The following SLC4A10 variants were observed in gnomAD, a reference collection of about 807,000 sequenced individuals.
The protein encoded by SLC4A10 is sodium-driven chloride bicarbonate exchanger.
A neutral mutation model predicts 137.7 loss-of-function variants in SLC4A10; 42 were observed. That is an observed-to-expected ratio of 0.30 (90% CI 0.24 to 0.39). SLC4A10 has a LOEUF of 0.39. Ranked by LOEUF, SLC4A10 falls within the 10% of genes least tolerant of loss-of-function variation. SLC4A10 has a pLI of 1.00. For synonymous variants in SLC4A10, 474 were observed against 464.1 expected (o/e 1.02, Z -0.27); for missense variants, 925 against 1,355.0 (o/e 0.68, Z 4.98).
At chr2:161,647,295 C>T (rs2036191595) in intron 1 of SLC4A10, among the ~76,000 whole-genome samples, 1 of 151,970 alleles carries the variant, frequency 6.6e-6, no homozygotes, top group South Asian at 2.1e-4. Flanking sequence ...TTCAGCCTGT[C>T]AGGGTGATTG....
chr2:161,710,673 T>C (rs547974783), intron 1 of SLC4A10: 8 of 455,052 alleles, frequency 1.8e-5, no homozygotes, highest in South Asian at 1.2e-4. Flanking sequence ...CAGTAATGAT[T>C]GGTCATCTTC....
At chr2:161,702,406 T>C (rs2043218516) in intron 1 of SLC4A10, among the ~76,000 whole-genome samples, 1 of 151,898 alleles carries the variant, frequency 6.6e-6, no homozygotes, top group African/African-American at 2.4e-5. Flanking sequence ...ACATTGCAAA[T>C]GTTTGTTTAT....
chr2:161,829,596 A>G (rs1384909368), intron 3 of SLC4A10, among the ~76,000 whole-genome samples: 1 of 152,156 alleles, frequency 6.6e-6, no homozygotes, highest in African/African-American at 2.4e-5. Flanking sequence ...TTTGTTTTTT[A>G]TACTATTTGC....
At chr2:161,978,394 A>AAAC (rs1553652446) in intron 26 of SLC4A10, among the ~76,000 whole-genome samples, 1 of 150,726 alleles carries the variant, frequency 6.6e-6, no homozygotes, top group Admixed American at 6.6e-5. Context: ...CAAAAAAAAA[A>AAAC]AAAAAAAGAA....
chr2:161,952,834 T>A (rs1695036896), intron 19 of SLC4A10, among the ~76,000 whole-genome samples: 1 of 152,208 alleles, frequency 6.6e-6, no homozygotes, highest in South Asian at 2.1e-4. Context: ...GGTTTTCCCG[T>A]TAACAACAAC....
chr2:161,650,825 G>T (rs978485143), intron 1 of SLC4A10, among the ~76,000 whole-genome samples: 2 of 152,196 alleles, frequency 1.3e-5, no homozygotes, highest in African/African-American at 4.8e-5. Context: ...GCTGGGAGCA[G>T]CTAGGCATGG....
intron 1 of SLC4A10, among the ~76,000 whole-genome samples, chr2:161,739,367 C>G (rs1296950921): frequency 6.6e-6 from 1 of 152,076 alleles, no homozygotes; most frequent in Non-Finnish European, 1.5e-5. Flanking sequence ...TTTGGCCAAC[C>G]AATGTTTTAA....
chr2:161,781,972 C>T (rs1253608756), intron 2 of SLC4A10, among the ~76,000 whole-genome samples: 1 of 152,054 alleles, frequency 6.6e-6, no homozygotes, highest in Non-Finnish European at 1.5e-5. Context: ...ACCCCAACTT[C>T]GATGGGGGCT....
intron 15 of SLC4A10, among the ~76,000 whole-genome samples, chr2:161,935,899 T>A (rs934698129): frequency 2.0e-5 from 3 of 152,158 alleles, no homozygotes; most frequent in Admixed American, 6.6e-5. Flanking sequence ...TTTTCACCAT[T>A]GAATAAGATA....
At chr2:161,811,898 T>C (rs1220118884) in intron 3 of SLC4A10, among the ~76,000 whole-genome samples, 2 of 152,036 alleles carry the variant, frequency 1.3e-5, no homozygotes, top group Non-Finnish European at 2.9e-5. Context: ...TTTCTTATCA[T>C]CTTTGAAACA....
chr2:161,916,688 C>A (rs1180370900), intron 15 of SLC4A10, among the ~76,000 whole-genome samples: 1 of 152,176 alleles, frequency 6.6e-6, no homozygotes, highest in Non-Finnish European at 1.5e-5. Context: ...TTTCCTGGCC[C>A]TTCTGTAAAC....
chr2:161,912,172 G>A (rs544812788), intron 15 of SLC4A10, among the ~76,000 whole-genome samples: 2 of 152,162 alleles, frequency 1.3e-5, no homozygotes, highest in Non-Finnish European at 1.5e-5. Context: ...TTTATTAAGT[G>A]TCTTTCAACT....
At chr2:161,704,647 A>C (rs1043181435) in intron 1 of SLC4A10, among the ~76,000 whole-genome samples, 15 of 151,690 alleles carry the variant, frequency 9.9e-5, no homozygotes, top group Non-Finnish European at 2.1e-4. Context: ...TGTTTTACAT[A>C]GTTGAGGTTG....
intron 15 of SLC4A10, among the ~76,000 whole-genome samples, chr2:161,933,935 C>T (rs1691093839): frequency 6.6e-6 from 1 of 151,972 alleles, no homozygotes; most frequent in African/African-American, 2.4e-5. Flanking sequence ...ATTTATATTC[C>T]CATCAACAAT....
At chr2:161,702,512 T>C (rs1039599806) in intron 1 of SLC4A10, among the ~76,000 whole-genome samples, 17 of 151,780 alleles carry the variant, frequency 1.1e-4, no homozygotes, top group African/African-American at 3.9e-4. Context: ...TTTTGGAGAC[T>C]TATTGGTGGC....
At position 161,958,490 on chromosome 2, in the gene SLC4A10, A is replaced by C; in HGVS notation, c.2797A>C (p.Ile933Leu). 6.2e-7 allele frequency: 1 copy of C among 1,609,876 alleles called. No individual in the cohort carries two copies. The highest frequency in any genetic ancestry group is 8.5e-7 in the Non-Finnish European group (1 of 1,177,616). Residue 933 changes from isoleucine to leucine, a missense_variant, in exon 21 of 27, where the codon ATT becomes CTT. Transcript: ENST00000446997. ...TTCTCCAATTGTTCTTTTACAGTTTATTCCCATGCCAGTGCTATATGGAGT... is the reference window on the plus strand; with the variant it reads ...TTCTCCAATTGTTCTTTTACAGTTTCTTCCCATGCCAGTGCTATATGGAGT... The part of the protein sequence containing the change: ...SVFMTSILKF[I>L]PMPVLYGVFL...
intron 1 of SLC4A10, among the ~76,000 whole-genome samples, chr2:161,759,814 C>T (rs1410093600): frequency 1.3e-5 from 2 of 151,920 alleles, no homozygotes; most frequent in Admixed American, 1.3e-4. Context: ...CTATAGGTTG[C>T]CTTTTCATTT....
chr2:161,644,116 T>G (rs1163270864), intron 1 of SLC4A10, among the ~76,000 whole-genome samples: 3 of 151,588 alleles, frequency 2.0e-5, no homozygotes, highest in Non-Finnish European at 2.9e-5. Flanking sequence ...GATACTTATA[T>G]GCATATATAG....
intron 10 of SLC4A10, among the ~76,000 whole-genome samples, chr2:161,886,254 A>G (rs1269325244): frequency 1.3e-5 from 2 of 152,200 alleles, no homozygotes; most frequent in African/African-American, 4.8e-5. Flanking sequence ...CTAGATCTTA[A>G]GTGAAACCTG....
Sources: gnomAD v4.1 joint callset for allele counts (sites outside exome capture counted in the v4.1 genomes callset) on GRCh38, gnomAD v4.1.1 for gene constraint, MANE v1.5 for transcripts, NCBI Gene and HGNC (gene_info 2026-07-23, HGNC 2026-07-21) for gene names.